SLC44A5: variants seen among roughly 807,000 people sequenced by gnomAD.
The protein encoded by SLC44A5 is solute carrier family 44 member 5.
Under a neutral mutation model 101.8 loss-of-function variants are expected in SLC44A5, and 57 were observed. The observed-to-expected ratio is 0.56, with a 90% CI of 0.45 to 0.70. The LOEUF is 0.70. Among genes scored for constraint, SLC44A5 ranks in the 30% least tolerant of loss-of-function variants. The pLI, the probability that SLC44A5 is intolerant of heterozygous loss-of-function variation, is 0.00. For synonymous variants in SLC44A5, 281 were observed against 290.9 expected (o/e 0.97, Z 0.35); for missense variants, 737 against 853.1 (o/e 0.86, Z 1.70).
At chr1:75,539,245 T>G (rs1671221280) in intron 2 of SLC44A5, among the ~76,000 whole-genome samples, 1 of 152,260 alleles carries the variant, frequency 6.6e-6, no homozygotes, top group Non-Finnish European at 1.5e-5. Context: ...CATTTGTACC[T>G]TACCTACATG....
chr1:75,542,514 T>A (rs1000678118), intron 1 of SLC44A5, among the ~76,000 whole-genome samples: 4 of 152,134 alleles, frequency 2.6e-5, no homozygotes, highest in Non-Finnish European at 5.9e-5. Context: ...CTCATCAACA[T>A]GTTATCATTT....
At chr1:75,366,671 T>C (rs1659879436) in intron 3 of SLC44A5, among the ~76,000 whole-genome samples, 1 of 151,070 alleles carries the variant, frequency 6.6e-6, no homozygotes, top group African/African-American at 2.4e-5. Context: ...TATTTGTTTG[T>C]TTTATGATGT....
chr1:75,547,658 G>C (rs1320230258), intron 1 of SLC44A5, among the ~76,000 whole-genome samples: 2 of 152,154 alleles, frequency 1.3e-5, no homozygotes, highest in Non-Finnish European at 2.9e-5. Context: ...GAATGTTTTT[G>C]AGAAAGCAAG....
At chr1:75,398,945 C>A (rs1662302889) in intron 2 of SLC44A5, among the ~76,000 whole-genome samples, 1 of 151,828 alleles carries the variant, frequency 6.6e-6, no homozygotes, top group East Asian at 1.9e-4. Flanking sequence ...CTGCTTATAT[C>A]TAGTATAGTA....
At chr1:75,434,766 T>C (rs977443685) in intron 2 of SLC44A5, among the ~76,000 whole-genome samples, 1 of 152,132 alleles carries the variant, frequency 6.6e-6, no homozygotes, top group South Asian at 2.1e-4. Flanking sequence ...ACTCCATCCA[T>C]GGTTTGGTGT....
chr1:75,666,299 C>A, the SLC44A5 span, among the ~76,000 whole-genome samples: 1 of 152,106 alleles, frequency 6.6e-6, no homozygotes, highest in African/African-American at 2.4e-5. Flanking sequence ...ACTATAAACA[C>A]CTCTACACAA....
At chr1:75,221,052 T>G (rs185007211) in intron 14 of SLC44A5, among the ~76,000 whole-genome samples, 9 of 152,304 alleles carry the variant, frequency 5.9e-5, no homozygotes, top group Admixed American at 3.9e-4. Context: ...TACAGTGAAC[T>G]GCACAATATC....
the SLC44A5 span, among the ~76,000 whole-genome samples, chr1:75,652,464 T>C: frequency 6.6e-6 from 1 of 152,190 alleles, no homozygotes; most frequent in Non-Finnish European, 1.5e-5. Context: ...TTGCTGCTGC[T>C]AACATCATAA....
At chr1:75,571,192 A>C (rs960417191) in intron 1 of SLC44A5, among the ~76,000 whole-genome samples, 12 of 152,228 alleles carry the variant, frequency 7.9e-5, no homozygotes, top group Admixed American at 7.9e-4. Flanking sequence ...AAAATATATT[A>C]TGAAAAAACA....
At chr1:75,604,090 G>T (rs1675176847) in intron 1 of SLC44A5, among the ~76,000 whole-genome samples, 1 of 151,948 alleles carries the variant, frequency 6.6e-6, no homozygotes, top group African/African-American at 2.4e-5. Context: ...TTTTCCCAAA[G>T]TCAATGTCCA....
chr1:75,368,664 CACACACACCA>C lies in SLC44A5; in HGVS notation c.52+27909_52+27918del, dbSNP rs1196379186. Among the ~76,000 whole-genome samples the C allele has an allele frequency of 3.6e-3, 546 of 150,184 alleles. 1 individual carries two copies. The highest frequency in any genetic ancestry group is 0.021 in the Middle Eastern group (6 of 282). ...GCATGCACACACACACACACACACA[CACACACACCA>C]CACTCAAATTGGTATTCTGAATGCT... is the stretch of plus-strand genomic sequence containing the variant. On this transcript the variant is annotated intron_variant, in intron 3 of 23. Coordinates refer to ENST00000370859, the MANE Select transcript of SLC44A5 (RefSeq NM_001130058.2).
intron 3 of SLC44A5, among the ~76,000 whole-genome samples, chr1:75,383,984 T>C (rs1329637311): frequency 6.6e-6 from 1 of 151,622 alleles, no homozygotes; most frequent in Non-Finnish European, 1.5e-5. Context: ...AGAAATAAAA[T>C]ACTTTACAGA....
At chr1:75,491,430 G>A (rs955384510) in intron 2 of SLC44A5, among the ~76,000 whole-genome samples, 4 of 152,116 alleles carry the variant, frequency 2.6e-5, no homozygotes, top group Admixed American at 6.6e-5. Flanking sequence ...TTTAAGTTAC[G>A]TGAGTTGAAG....
the SLC44A5 span, among the ~76,000 whole-genome samples, chr1:75,652,788 T>C: frequency 6.6e-6 from 1 of 152,170 alleles, no homozygotes; most frequent in South Asian, 2.1e-4. Flanking sequence ...AGTGAGACCC[T>C]GTCTCTCAAA....
At chr1:75,479,417 G>C (rs1299587096) in intron 2 of SLC44A5, among the ~76,000 whole-genome samples, 1 of 152,122 alleles carries the variant, frequency 6.6e-6, no homozygotes, top group Non-Finnish European at 1.5e-5. Context: ...AGAACTGAAG[G>C]AAATAGAGAC....
intron 1 of SLC44A5, among the ~76,000 whole-genome samples, chr1:75,569,098 C>T (rs766336123): frequency 5.9e-5 from 9 of 152,110 alleles, no homozygotes; most frequent in African/African-American, 9.7e-5. Flanking sequence ...TCCCTAGGAA[C>T]GTCCAGCCCC....
At chr1:75,480,329 T>C (rs12088704) in intron 2 of SLC44A5, among the ~76,000 whole-genome samples, 21,007 of 152,204 alleles carry the variant, frequency 0.14, 1,598 homozygotes, top group African/African-American at 0.17. Context: ...AGCATTCCCT[T>C]TGAAAACTGG....
At chr1:75,662,034 G>T in the SLC44A5 span, among the ~76,000 whole-genome samples, 6 of 152,112 alleles carry the variant, frequency 3.9e-5, no homozygotes, top group African/African-American at 1.4e-4. Context: ...ATATTGAAGA[G>T]ACATCTGCAC....
intron 3 of SLC44A5, among the ~76,000 whole-genome samples, chr1:75,392,477 G>T (rs1196690964): frequency 6.8e-6 from 1 of 146,462 alleles, no homozygotes; most frequent in Non-Finnish European, 1.5e-5. Flanking sequence ...CAGTGAGAGT[G>T]GTAATTATAA....
Sources: gnomAD v4.1 joint callset for allele counts (sites outside exome capture counted in the v4.1 genomes callset) on GRCh38, gnomAD v4.1.1 for gene constraint, MANE v1.5 for transcripts, NCBI Gene and HGNC (gene_info 2026-07-23, HGNC 2026-07-21) for gene names.